XPNPEP3: variants seen among roughly 807,000 people sequenced by gnomAD.
XPNPEP3 encodes the protein X-prolyl aminopeptidase 3.
In XPNPEP3, 41 loss-of-function variants were observed where a neutral mutation model predicts 60.0. The observed-to-expected ratio is 0.68, with a 90% CI of 0.53 to 0.89. The LOEUF (loss-of-function observed/expected upper bound fraction) is 0.89, where lower values mean the gene tolerates loss of function less well. Ranked by LOEUF, XPNPEP3 falls within the 40% of genes least tolerant of loss-of-function variation. The pLI, the probability that XPNPEP3 is intolerant of heterozygous loss-of-function variation, is 0.00. For missense variants in XPNPEP3, 598 were observed against 638.9 expected (o/e 0.94, Z 0.69); for synonymous variants, 212 against 223.2 (o/e 0.95, Z 0.45).
intron 4 of XPNPEP3, among the ~76,000 whole-genome samples, chr22:40,895,749 T>G (rs1032454943): frequency 6.6e-6 from 1 of 152,194 alleles, no homozygotes; most frequent in Non-Finnish European, 1.5e-5. Context: ...TACACAGACT[T>G]CTAACCAGAC....
chr22:40,861,881 A>C lies in XPNPEP3; in HGVS notation c.64+4636A>C, dbSNP rs200237022. On this transcript the variant is annotated intron_variant, in intron 1 of 9. Coordinates refer to ENST00000357137, the MANE Select transcript of XPNPEP3 (RefSeq NM_022098.4). Reference sequence around the variant, plus strand: ...TGAATTTTCTCTCTGCTTCTTCTTTATTTTCTGGATTTTTATCAGGGTGCC... The same window carrying C: ...TGAATTTTCTCTCTGCTTCTTCTTTCTTTTCTGGATTTTTATCAGGGTGCC... 2.4e-5 allele frequency: 38 copies of C among 1,612,756 alleles called. No individual in the cohort carries two copies. Among genetic ancestry groups the C allele is most frequent in the Non-Finnish European group, 7.6e-6 (9 of 1,179,728 alleles).
chr22:40,862,515 G>A, intron 1 of XPNPEP3: 1 of 985,618 alleles, frequency 1.0e-6, no homozygotes. Flanking sequence ...TCAAGAAACA[G>A]TTCAGAGGGA....
rs1319914066 is a variant in XPNPEP3, at chr22:40,927,911, T to G, written c.*1476T>G. 6.6e-6 allele frequency: 1 copy of G among 151,768 alleles called. No homozygotes were observed. The highest frequency in any genetic ancestry group is 6.6e-5 in the Admixed American group (1 of 15,228). The allele number at this position is 151,768 out of a possible 1,614,324, so 9.4% of individuals were successfully genotyped here. A position where few individuals can be genotyped will look rare whatever the true frequency, so the allele number is the denominator to read the frequency against. On this transcript the variant is annotated 3_prime_UTR_variant, in exon 10 of 10. Transcript: ENST00000357137. Reference sequence around the variant, plus strand: ...AAAAAAAGAAAAAAAAAAGAAAGATTTCTTTCGCAGATATCCCTGCTCCCT... The same window carrying G: ...AAAAAAAGAAAAAAAAAAGAAAGATGTCTTTCGCAGATATCCCTGCTCCCT...
rs563302841 is a variant in XPNPEP3 at position 40,889,266 on chromosome 22, C to A, written c.792+2751C>A. Among the ~76,000 whole-genome samples, 6 of 152,192 alleles carry A rather than the reference C, an allele frequency of 3.9e-5. No individual in the cohort carries two copies. The South Asian group carries it at 1.0e-3, about 26-fold the overall frequency. ...TGTTGAACTCCTGGCCTCAAGAGATCTTCCATCCTCAGCCTCCCAAAACAC... is the reference window on the plus strand; with the variant it reads ...TGTTGAACTCCTGGCCTCAAGAGATATTCCATCCTCAGCCTCCCAAAACAC... On this transcript the variant is annotated intron_variant, in intron 4 of 9. Coordinates refer to ENST00000357137, the MANE Select transcript of XPNPEP3 (RefSeq NM_022098.4).
At position 40,857,195 on chromosome 22, in the gene XPNPEP3, T is replaced by G; in HGVS notation, c.14T>G (p.Leu5Arg). MPWLLSAPKLVPAVA... is the reference protein window; with the variant it reads MPWLRSAPKLVPAVA... ...AGTTAGGCCGTAATGCCTTGGCTGC[T>G]CTCAGCCCCCAAGCTGGTTCCCGCT... The change falls in exon 1 of 10, where the codon CTC becomes CGC. Residue 5 changes from leucine (L) to arginine (R), a missense_variant. Leu to Arg is a moderately radical substitution (Grantham distance 102). Transcript: ENST00000357137. The G allele has an allele frequency of 6.2e-7, 1 of 1,614,212 alleles. No homozygotes were observed. The highest frequency in any genetic ancestry group is 1.3e-5 in the African/African-American group (1 of 75,056).
chr22:40,862,325 C>CA lies in XPNPEP3; in HGVS notation c.64+5081dup, dbSNP rs899510308. ...TGTATGTTTCCCTGGAAGCTTCAGG[C>CA]AGTGCCTCATAAGCCAATGGAATCT... On this transcript the variant is annotated intron_variant, in intron 1 of 9. Coordinates refer to ENST00000357137, the MANE Select transcript of XPNPEP3 (RefSeq NM_022098.4). 2.5e-5 allele frequency: 26 copies of CA among 1,036,364 alleles called. No individual in the cohort carries two copies. The African/African-American group carries it at 4.2e-4, about 17-fold the overall frequency. 64.2% of individuals were successfully genotyped at this position (1,036,364 alleles called of 1,614,324 possible). A position where few individuals can be genotyped will look rare whatever the true frequency, so the allele number is the denominator to read the frequency against.
rs201469402 is a variant in XPNPEP3, at chr22:40,881,954, G to A, written c.366G>A (p.Leu122=). 113 of 1,613,894 alleles carry A rather than the reference G, an allele frequency of 7.0e-5. No homozygotes were observed. Among genetic ancestry groups the A allele is most frequent in the Admixed American group, 6.8e-4 (41 of 59,974 alleles). The change falls in exon 3 of 10, where the codon CTG becomes CTA. Residue 122 remains leucine (L), a synonymous_variant. Transcript: ENST00000357137. ...CTTTCCACCAAGACAACAATTTCCT[G>A]TACCTATGTGGATTCCAAGAGCCTG... ...PYTFHQDNNF[L]YLCGFQEPDS... is the part of the protein sequence containing the mutation.
At chr22:40,885,360 C>G (rs1314237701) in intron 3 of XPNPEP3, among the ~76,000 whole-genome samples, 2 of 152,092 alleles carry the variant, frequency 1.3e-5, no homozygotes, top group African/African-American at 4.8e-5. Context: ...TTATAATGAG[C>G]CTTTATATCG....
At chr22:40,873,897 T>C (rs2058017905) in intron 2 of XPNPEP3, among the ~76,000 whole-genome samples, 2 of 152,218 alleles carry the variant, frequency 1.3e-5, no homozygotes, top group African/African-American at 4.8e-5. Flanking sequence ...TGATTGATTC[T>C]AGAGTGGGTT....
At chr22:40,867,570 T>C (rs886549308) in intron 1 of XPNPEP3, among the ~76,000 whole-genome samples, 1 of 152,058 alleles carries the variant, frequency 6.6e-6, no homozygotes, top group African/African-American at 2.4e-5. Flanking sequence ...GTTTCCAACC[T>C]GGGCAACATA....
chr22:40,920,912 C>A (rs1224034414), intron 7 of XPNPEP3, among the ~76,000 whole-genome samples: 1 of 152,210 alleles, frequency 6.6e-6, no homozygotes, highest in Non-Finnish European at 1.5e-5. Context: ...TCTGCCTCAG[C>A]CTCCCGAGTA....
intron 1 of XPNPEP3, among the ~76,000 whole-genome samples, chr22:40,864,106 G>T (rs1369882798): frequency 6.6e-6 from 1 of 152,250 alleles, no homozygotes; most frequent in Non-Finnish European, 1.5e-5. Context: ...TACTCCATAG[G>T]CAGAGCAGCC....
At chr22:40,907,700 A>C in intron 5 of XPNPEP3, 51 bp downstream of exon 5, 1 of 1,570,632 alleles carries the variant, frequency 6.4e-7, no homozygotes, top group Non-Finnish European at 8.8e-7. Flanking sequence ...GAATATAATA[A>C]TTTGATTTGC....
intron 8 of XPNPEP3, among the ~76,000 whole-genome samples, chr22:40,923,152 G>T (rs1469909089): frequency 6.6e-6 from 1 of 151,588 alleles, no homozygotes; most frequent in Admixed American, 6.6e-5. Flanking sequence ...GTTCAACGCT[G>T]CAGTGAGCTA....
At chr22:40,910,801 C>T (rs945834719) in intron 6 of XPNPEP3, among the ~76,000 whole-genome samples, 1 of 151,966 alleles carries the variant, frequency 6.6e-6, no homozygotes, top group Admixed American at 6.6e-5. Context: ...GTCAGGAGTT[C>T]GAGACCATCC....
intron 7 of XPNPEP3, among the ~76,000 whole-genome samples, chr22:40,920,936 A>T (rs1232330708): frequency 6.6e-6 from 1 of 152,028 alleles, no homozygotes; most frequent in Non-Finnish European, 1.5e-5. Flanking sequence ...GGAATTACAG[A>T]CATGCACCAC....
At position 40,926,825 on chromosome 22, in the gene XPNPEP3, A is replaced by C. The variant is rs142395135; in HGVS notation, c.*390A>C. On this transcript the variant is annotated 3_prime_UTR_variant, in exon 10 of 10. Coordinates refer to ENST00000357137, the MANE Select transcript of XPNPEP3 (RefSeq NM_022098.4). ...CTATACTTTTGCTGAGATCAACCCA[A>C]TATCATAAGAAGTTTGTGTGATGCC... 2 of 289,482 alleles carry C rather than the reference A, an allele frequency of 6.9e-6. No homozygotes were observed. The highest frequency in any genetic ancestry group is 4.5e-5 in the African/African-American group (2 of 44,822). 17.9% of individuals were successfully genotyped at this position (289,482 alleles called of 1,614,324 possible). A position where few individuals can be genotyped will look rare whatever the true frequency, so the allele number is the denominator to read the frequency against.
intron 4 of XPNPEP3, among the ~76,000 whole-genome samples, chr22:40,899,648 A>G (rs1295613771): frequency 1.3e-5 from 2 of 151,832 alleles, no homozygotes; most frequent in Non-Finnish European, 2.9e-5. Context: ...GTGATACCTC[A>G]TCTCTACTAA....
At chr22:40,901,344 C>G (rs1394632685) in intron 4 of XPNPEP3, among the ~76,000 whole-genome samples, 1 of 150,482 alleles carries the variant, frequency 6.6e-6, no homozygotes, top group East Asian at 2.0e-4. Flanking sequence ...AAGCAATTCT[C>G]TTGCCTCAGC....
Sources: allele counts gnomAD v4.1 joint callset (sites outside exome capture counted in the v4.1 genomes callset), GRCh38; gene constraint gnomAD v4.1.1; transcripts MANE v1.5; gene names NCBI Gene and HGNC (gene_info 2026-07-23, HGNC 2026-07-21).